Variants in ADGRL3 observed in about 807,000 individuals in gnomAD.
ADGRL3 encodes calcium-independent alpha-latrotoxin receptor 3.
In ADGRL3, 62 loss-of-function variants were observed where a neutral mutation model predicts 153.5. The observed-to-expected ratio is 0.40, with a 90% CI of 0.33 to 0.50. The LOEUF (loss-of-function observed/expected upper bound fraction) is 0.50. ADGRL3 is among the 20% of genes least tolerant of loss of function. The pLI is 0.47. For synonymous variants in ADGRL3, 710 were observed against 672.5 expected (o/e 1.06, Z -0.86); for missense variants, 1,641 against 1,859.4 (o/e 0.88, Z 2.16).
intron 5 of ADGRL3, among the ~76,000 whole-genome samples, chr4:61,660,370 G>A (rs1449054681): frequency 6.6e-6 from 1 of 152,056 alleles, no homozygotes; most frequent in Non-Finnish European, 1.5e-5. Flanking sequence ...TTTGAAAATT[G>A]TCTTTTGATT....
At chr4:61,975,052 T>G (rs1294518041) in intron 17 of ADGRL3, among the ~76,000 whole-genome samples, 1 of 152,198 alleles carries the variant, frequency 6.6e-6, no homozygotes, top group African/African-American at 2.4e-5. Context: ...CTCCAGGAGC[T>G]GGAGGATTGG....
intron 8 of ADGRL3, among the ~76,000 whole-genome samples, chr4:61,761,008 G>A (rs993574189): frequency 2.6e-5 from 4 of 152,194 alleles, no homozygotes; most frequent in South Asian, 4.1e-4. Context: ...TGAAATCATA[G>A]GGAATTGAAG....
At chr4:61,335,574 T>TTTAA (rs2095658565) in intron 1 of ADGRL3, among the ~76,000 whole-genome samples, 1 of 152,196 alleles carries the variant, frequency 6.6e-6, no homozygotes, top group South Asian at 2.1e-4. Context: ...AATGTCAGTT[T>TTTAA]CTTTTTTACT....
chr4:61,844,575 A>AAAAAAAAAAAATATATATATATATATAT (rs1554045137), intron 9 of ADGRL3, among the ~76,000 whole-genome samples: 1 of 18,108 alleles, frequency 5.5e-5, no homozygotes, highest in African/African-American at 2.6e-4. Context: ...AAAAAAAAAA[A>AAAAAAAAAAAATATATATATATATATAT]ATATATATAT....
chr4:61,881,231 A>G (rs1019974642), intron 9 of ADGRL3, among the ~76,000 whole-genome samples: 8 of 152,230 alleles, frequency 5.3e-5, no homozygotes, highest in Non-Finnish European at 7.3e-5. Context: ...TATAACAAAG[A>G]TGAATGCATG....
intron 4 of ADGRL3, among the ~76,000 whole-genome samples, chr4:61,525,948 G>A (rs986147620): frequency 3.3e-5 from 5 of 152,082 alleles, no homozygotes; most frequent in African/African-American, 1.2e-4. Context: ...ATAAAAGTTG[G>A]CAATTTCTGA....
chr4:61,854,887 A>G (rs370480487), intron 9 of ADGRL3, among the ~76,000 whole-genome samples: 7 of 152,340 alleles, frequency 4.6e-5, no homozygotes, highest in African/African-American at 1.4e-4. Context: ...CCAAAAATCT[A>G]TGATCTCAGT....
chr4:61,412,001 A>T (rs1050317652), intron 2 of ADGRL3, among the ~76,000 whole-genome samples: 5 of 152,160 alleles, frequency 3.3e-5, no homozygotes, highest in African/African-American at 1.2e-4. Context: ...TATGAATTGA[A>T]TTCTGGATAT....
At chr4:61,535,661 C>A (rs1392223852) in intron 4 of ADGRL3, among the ~76,000 whole-genome samples, 1 of 151,670 alleles carries the variant, frequency 6.6e-6, no homozygotes, top group Non-Finnish European at 1.5e-5. Flanking sequence ...CCTTGTTGTT[C>A]AGTCTTGTAA....
Position 61,893,349 on chromosome 4 carries a change from G to A in ADGRL3, c.1783+391G>A, listed in dbSNP as rs570336388. 9.2e-5 allele frequency among the ~76,000 whole-genome samples: 14 copies of A among 152,154 alleles called. No individual in the cohort carries two copies. In the South Asian group the frequency reaches 2.3e-3, roughly 25 times the overall value. ...CTCTGGGTCAAGGTAAAGTTAGGCTGTAGATGTACTGGCTACTCTAGAGGC... is the reference window on the plus strand; with the variant it reads ...CTCTGGGTCAAGGTAAAGTTAGGCTATAGATGTACTGGCTACTCTAGAGGC... On this transcript the variant is annotated intron_variant, in intron 10 of 26. Transcript: ENST00000683033.
rs945763107 is a variant in ADGRL3 at position 61,202,681 on chromosome 4, C to T, written c.-240+916C>T. Among the ~76,000 whole-genome samples, 1 of 152,142 alleles carries T rather than the reference C, an allele frequency of 6.6e-6. No homozygotes were observed. The highest frequency in any genetic ancestry group is 2.4e-5 in the African/African-American group (1 of 41,450). On this transcript the variant is annotated intron_variant, in intron 1 of 26. Transcript: ENST00000683033. The surrounding 1 kb of genome is among the most constrained non-coding windows in gnomAD (Gnocchi z 5.0). The stretch of plus-strand genomic sequence containing the variant: ...AGCGCAGCGTCTGAGCTGCCGCGAC[C>T]CAGCCTCCGGTCCCACGTCGGAGCT...
intron 1 of ADGRL3, among the ~76,000 whole-genome samples, chr4:61,335,031 T>C (rs1161944515): frequency 6.6e-6 from 1 of 152,126 alleles, no homozygotes; most frequent in African/African-American, 2.4e-5. Flanking sequence ...AAAAACACAT[T>C]TACAAATGAA....
At chr4:61,387,026 T>C (rs925048385) in intron 2 of ADGRL3, among the ~76,000 whole-genome samples, 7 of 152,166 alleles carry the variant, frequency 4.6e-5, no homozygotes, top group African/African-American at 1.7e-4. Context: ...TCACGTAGGT[T>C]CTTTTCTATT....
At chr4:61,659,313 G>C (rs1212075382) in intron 5 of ADGRL3, among the ~76,000 whole-genome samples, 11 of 152,144 alleles carry the variant, frequency 7.2e-5, no homozygotes, top group Non-Finnish European at 1.3e-4. Flanking sequence ...AATTCAACCT[G>C]TAATAGTGAC....
At chr4:61,938,734 G>A (rs985912098) in intron 15 of ADGRL3, among the ~76,000 whole-genome samples, 3 of 151,856 alleles carry the variant, frequency 2.0e-5, no homozygotes, top group Non-Finnish European at 4.4e-5. Context: ...GCATCTAGCG[G>A]AAGTGCCCAG....
intron 17 of ADGRL3, among the ~76,000 whole-genome samples, chr4:61,966,293 A>T (rs1403705644): frequency 1.3e-5 from 2 of 152,166 alleles, no homozygotes; most frequent in Non-Finnish European, 1.5e-5. Context: ...TGCCTCATGC[A>T]GTGTCTATTA....
At position 61,200,829 on chromosome 4, in the gene ADGRL3, C is replaced by T. The variant is rs1324920521; in HGVS notation, c.-1176C>T. ...CAGAGCCCGGGGCCGCGCGATGAAG[C>T]TCCCACATGCCCGCAGCTGCCCGGC... is the stretch of plus-strand genomic sequence containing the variant. On this transcript the variant is annotated 5_prime_UTR_variant, in exon 1 of 27. Coordinates refer to ENST00000683033, the MANE Select transcript of ADGRL3 (RefSeq NM_001387552.1). Among the ~76,000 whole-genome samples the T allele has an allele frequency of 2.6e-5, 4 of 151,992 alleles. No individual in the cohort carries two copies. The highest frequency in any genetic ancestry group is 2.0e-4 in the Admixed American group (3 of 15,282).
At chr4:61,328,674 T>G (rs1213172169) in intron 1 of ADGRL3, among the ~76,000 whole-genome samples, 1 of 152,212 alleles carries the variant, frequency 6.6e-6, no homozygotes, top group Non-Finnish European at 1.5e-5. Context: ...AAGCTTCAGA[T>G]AAAACTATAT....
At chr4:61,623,653 C>T (rs959089598) in intron 5 of ADGRL3, among the ~76,000 whole-genome samples, 1 of 152,228 alleles carries the variant, frequency 6.6e-6, no homozygotes, top group Non-Finnish European at 1.5e-5. Flanking sequence ...TTAATTCTTA[C>T]AGCAAGTATT....
Sources: gnomAD v4.1 joint callset for allele counts (sites outside exome capture counted in the v4.1 genomes callset) on GRCh38, gnomAD v4.1.1 for gene constraint, Gnocchi (gnomAD v3.1) non-coding constraint, MANE v1.5 for transcripts, NCBI Gene and HGNC (gene_info 2026-07-23, HGNC 2026-07-21) for gene names.